The following PDE4D variants were observed in gnomAD, a reference collection of about 807,000 sequenced individuals.
The protein encoded by PDE4D is 3',5'-cyclic-AMP phosphodiesterase 4D.
PDE4D carries 24 observed loss-of-function variants against 87.4 expected under a neutral mutation model. The ratio of observed to expected loss-of-function variants is 0.27; its 90% confidence interval spans 0.20 to 0.39. The LOEUF (loss-of-function observed/expected upper bound fraction) is 0.39, where lower values mean the gene tolerates loss of function less well. PDE4D is among the 10% of genes least tolerant of loss of function. PDE4D has a pLI of 1.00. For synonymous variants in PDE4D, 384 were observed against 383.2 expected (o/e 1.00, Z -0.02); for missense variants, 714 against 1,041.0 (o/e 0.69, Z 4.32).
Position 59,893,581 on chromosome 5 carries a change from G to C in PDE4D, c.42C>G (p.Ser14Arg), listed in dbSNP as rs781502665. 6.6e-7 allele frequency: 1 copy of C among 1,524,110 alleles called. No homozygotes were observed. Among genetic ancestry groups the C allele is most frequent in the Non-Finnish European group, 8.8e-7 (1 of 1,136,312 alleles). The allele number at this position is 1,524,110 out of a possible 1,614,324, so 94.4% of individuals were successfully genotyped here. The change falls in exon 1 of 15, where the codon AGC (serine) becomes AGG (arginine). Residue 14 changes from serine (S) to arginine (R), a missense_variant. By Grantham distance (110) the Ser-to-Arg change is moderately radical. Coordinates refer to ENST00000340635, the MANE Select transcript of PDE4D (RefSeq NM_001104631.2). ...CGCCGGCGCTGTCGCTGCCCTCTCC[G>C]CTGCCCGCCCGGGCCGGCGCGCTGC... ...EGSSAPARAG[S>R]GEGSDSAGGA...
chr5:59,424,093 T>C (rs971663131), intron 1 of PDE4D, among the ~76,000 whole-genome samples: 11 of 152,164 alleles, frequency 7.2e-5, no homozygotes, highest in Non-Finnish European at 1.3e-4. Context: ...GAGGAAGCAC[T>C]TAGGAGGACT....
At chr5:60,415,251 C>G (rs1349344899) in intron 1 of PDE4D, among the ~76,000 whole-genome samples, 1 of 152,264 alleles carries the variant, frequency 6.6e-6, no homozygotes, top group Non-Finnish European at 1.5e-5. Context: ...AGACCTGGTT[C>G]CTAAAACCTC....
At chr5:59,260,168 T>C (rs1692355046) in intron 1 of PDE4D, among the ~76,000 whole-genome samples, 2 of 151,814 alleles carry the variant, frequency 1.3e-5, no homozygotes, top group South Asian at 2.1e-4. Flanking sequence ...CATTCTGAAT[T>C]TGGACACTAA....
chr5:60,261,478 T>G (rs757074988), intron 1 of PDE4D, among the ~76,000 whole-genome samples: 2 of 152,166 alleles, frequency 1.3e-5, no homozygotes, highest in Non-Finnish European at 2.9e-5. Context: ...TTGGTACCTT[T>G]CTATTCCATT....
intron 2 of PDE4D, among the ~76,000 whole-genome samples, chr5:59,214,077 C>CACACA (rs914634790): frequency 5.1e-4 from 71 of 140,110 alleles, no homozygotes; most frequent in African/African-American, 1.9e-3. Flanking sequence ...CACACACACA[C>CACACA]AACCATTCTA....
At chr5:60,404,556 C>T (rs1373432458) in intron 1 of PDE4D, among the ~76,000 whole-genome samples, 1 of 152,138 alleles carries the variant, frequency 6.6e-6, no homozygotes, top group Non-Finnish European at 1.5e-5. Context: ...AGCTACTAGC[C>T]ACATGTGGCT....
intron 1 of PDE4D, among the ~76,000 whole-genome samples, chr5:59,556,528 G>C (rs1353166847): frequency 6.6e-6 from 1 of 152,150 alleles, no homozygotes; most frequent in Non-Finnish European, 1.5e-5. Context: ...AGCACTCACT[G>C]TTTATCCAAA....
At chr5:60,060,968 AAT>A (rs1168436475) in intron 2 of PDE4D, among the ~76,000 whole-genome samples, 1 of 152,158 alleles carries the variant, frequency 6.6e-6, no homozygotes, top group Non-Finnish European at 1.5e-5. Context: ...ACCCACAGCC[AAT>A]ATCATACTGA....
At chr5:59,148,496 C>T (rs1778987853) in intron 5 of PDE4D, among the ~76,000 whole-genome samples, 1 of 152,046 alleles carries the variant, frequency 6.6e-6, no homozygotes, top group Non-Finnish European at 1.5e-5. Flanking sequence ...GACAATAGAT[C>T]CACACCTCAA....
At chr5:59,594,056 T>A (rs1826286917) in intron 1 of PDE4D, among the ~76,000 whole-genome samples, 1 of 151,398 alleles carries the variant, frequency 6.6e-6, no homozygotes, top group Admixed American at 6.6e-5. Context: ...GAAAGAAAAA[T>A]GCCCAACTCC....
chr5:59,694,890 A>G (rs1751523063), intron 1 of PDE4D, among the ~76,000 whole-genome samples: 1 of 152,206 alleles, frequency 6.6e-6, no homozygotes, highest in Non-Finnish European at 1.5e-5. Flanking sequence ...AAACATTACT[A>G]TTAATAACTT....
At chr5:60,333,699 A>C (rs530865959) in intron 1 of PDE4D, among the ~76,000 whole-genome samples, 1 of 152,244 alleles carries the variant, frequency 6.6e-6, no homozygotes, top group South Asian at 2.1e-4. Flanking sequence ...TCCTCAATTC[A>C]CCACATGCAT....
intron 1 of PDE4D, among the ~76,000 whole-genome samples, chr5:59,576,810 A>G (rs294499): frequency 0.86 from 131,404 of 152,096 alleles, 56,881 homozygotes; most frequent in South Asian, 0.93. Flanking sequence ...AATCTGGCAC[A>G]GATTATTTTC....
At chr5:58,982,914 C>CT (rs1272685988) in intron 11 of PDE4D, among the ~76,000 whole-genome samples, 2 of 152,196 alleles carry the variant, frequency 1.3e-5, no homozygotes, top group African/African-American at 4.8e-5. Context: ...GTGAGCATTC[C>CT]TTTTTTGTCC....
At chr5:58,977,786 G>T (rs1213851872) in intron 11 of PDE4D, among the ~76,000 whole-genome samples, 1 of 152,190 alleles carries the variant, frequency 6.6e-6, no homozygotes, top group African/African-American at 2.4e-5. Flanking sequence ...TGTACTCAAA[G>T]AGGGTACAAG....
chr5:60,187,620 A>C (rs529550891), intron 1 of PDE4D, among the ~76,000 whole-genome samples: 1 of 152,310 alleles, frequency 6.6e-6, no homozygotes, highest in Admixed American at 6.5e-5. Flanking sequence ...GGTTTTTAAA[A>C]AATTTGCCTT....
chr5:59,739,055 G>T (rs1427419475), intron 1 of PDE4D, among the ~76,000 whole-genome samples: 2 of 152,036 alleles, frequency 1.3e-5, no homozygotes, highest in African/African-American at 4.8e-5. Flanking sequence ...GTCTATAGTT[G>T]TATATTAAAA....
chr5:60,485,621 C>T lies in PDE4D; in HGVS notation c.-90+2321G>A, dbSNP rs184008221. Among the ~76,000 whole-genome samples, 20 of 152,288 alleles carry T rather than the reference C, an allele frequency of 1.3e-4. 1 individual carries two copies. The highest frequency in any genetic ancestry group is 1.2e-3 in the Admixed American group (18 of 15,294). On this transcript the variant is annotated intron_variant, in intron 1 of 16. Coordinates refer to the PDE4D transcript ENST00000502484. ...TATGCATAGTTTTACAGAACCTTAT[C>T]TGCAAAAGAACTTCCACAGTTAGAC...
chr5:59,667,447 G>A (rs1746268283), intron 1 of PDE4D, among the ~76,000 whole-genome samples: 1 of 152,090 alleles, frequency 6.6e-6, no homozygotes, highest in Admixed American at 6.5e-5. Flanking sequence ...GAATATCTGG[G>A]ACTACAGGTG....
Sources: allele counts gnomAD v4.1 joint callset (sites outside exome capture counted in the v4.1 genomes callset), GRCh38; gene constraint gnomAD v4.1.1; transcripts MANE v1.5; gene names NCBI Gene and HGNC (gene_info 2026-07-23, HGNC 2026-07-21).